SF3B1: variants seen among roughly 807,000 people sequenced by gnomAD.
SF3B1 encodes the protein splicing factor 3b subunit 1.
In SF3B1, 12 loss-of-function variants were observed where a neutral mutation model predicts 153.8. The ratio of observed to expected loss-of-function variants is 0.08; its 90% confidence interval spans 0.05 to 0.13. The LOEUF is 0.13. Ranked by LOEUF, SF3B1 falls within the 10% of genes least tolerant of loss-of-function variation. The pLI is 1.00. For synonymous variants in SF3B1, 498 were observed against 525.2 expected (o/e 0.95, Z 0.71); for missense variants, 513 against 1,606.1 (o/e 0.32, Z 11.63).
intron 7 of SF3B1, among the ~76,000 whole-genome samples, chr2:197,408,921 T>TCAA (rs369167542): frequency 2.6e-4 from 39 of 152,176 alleles, no homozygotes; most frequent in African/African-American, 8.9e-4. Context: ...AGACTCCATC[T>TCAA]CAACAACAAC....
In SF3B1 at chr2:197,402,522, A is replaced by G. The variant is rs773328337; in HGVS notation, c.2077+34T>C. The G allele has an allele frequency of 1.9e-6, 3 of 1,576,832 alleles. No individual in the cohort carries two copies. Among genetic ancestry groups the G allele is most frequent in the Admixed American group, 3.6e-5 (2 of 56,142 alleles). On this transcript the variant is annotated intron_variant, in intron 14 of 24. Coordinates refer to ENST00000335508, the MANE Select transcript of SF3B1 (RefSeq NM_012433.4). This position sits in a 1 kb window ranked among gnomAD's most constrained non-coding sequence, Gnocchi z 4.6. ...TAGTAAGACCCTGTCTCCTAAAGAA[A>G]AAAAAAAAAAGACAAAGTTACATTA...
chr2:197,408,437 G>A lies in SF3B1; in HGVS notation c.1049C>T (p.Thr350Ile). Residue 350 changes from threonine (T) to isoleucine (I), a missense_variant, in exon 8 of 25, where the codon ACT becomes ATT. Thr to Ile is a moderately conservative substitution (Grantham distance 89). Transcript: ENST00000335508. ...ETPASQMGGS[T>I]PVLTPGKTPI... ...TGTCTTTCCAGGGGTCAGAACTGGA[G>A]TGCTTCCACCCATCTGACTAGCTGG... 1 of 1,614,122 alleles carries A rather than the reference G, an allele frequency of 6.2e-7. No individual in the cohort carries two copies. The highest frequency in any genetic ancestry group is 8.5e-7 in the Non-Finnish European group (1 of 1,180,016).
chr2:197,397,952 A>T, intron 22 of SF3B1, 33 bp downstream of exon 22: 1 of 1,537,214 alleles, frequency 6.5e-7, no homozygotes, highest in Non-Finnish European at 8.9e-7. Flanking sequence ...ATTATAAAGT[A>T]ATTTTTTTTT....
In SF3B1 at chr2:197,407,388, TGA is replaced by T. The variant is rs540082064; in HGVS notation, c.1239+608_1239+609del. 9.1e-4 allele frequency among the ~76,000 whole-genome samples: 139 copies of T among 152,216 alleles called. 1 individual carries two copies. The highest frequency in any genetic ancestry group is 3.2e-3 in the African/African-American group (132 of 41,536). On this transcript the variant is annotated intron_variant, in intron 9 of 24. Coordinates refer to ENST00000335508, the MANE Select transcript of SF3B1 (RefSeq NM_012433.4). The stretch of plus-strand genomic sequence containing the variant: ...GGGAGGCTGAGAGGGACGGATCACT[TGA>T]GGTCAGGAGTTCAAGATCAGCCTGG...
In SF3B1 at chr2:197,407,767, C is replaced by T. The variant is rs571361043; in HGVS notation, c.1239+231G>A. 9.2e-4 allele frequency among the ~76,000 whole-genome samples: 140 copies of T among 152,096 alleles called. 1 individual carries two copies. The highest frequency in any genetic ancestry group is 3.2e-3 in the African/African-American group (133 of 41,480). The stretch of plus-strand genomic sequence containing the variant: ...GCACCAGCAGTTCTCAAAGTATAAC[C>T]GATAGACCCATACACAAGTCTTTGA... On this transcript the variant is annotated intron_variant, in intron 9 of 24. Coordinates refer to ENST00000335508, the MANE Select transcript of SF3B1 (RefSeq NM_012433.4).
At chr2:197,406,671 G>C (rs1246368559) in intron 9 of SF3B1, among the ~76,000 whole-genome samples, 1 of 152,210 alleles carries the variant, frequency 6.6e-6, no homozygotes, top group African/African-American at 2.4e-5. Flanking sequence ...TCAACAGTAA[G>C]TTCTGTCTAT....
At chr2:197,413,578 T>A (rs1265068032) in intron 6 of SF3B1, among the ~76,000 whole-genome samples, 2 of 152,192 alleles carry the variant, frequency 1.3e-5, no homozygotes, top group Non-Finnish European at 2.9e-5. Flanking sequence ...AAATACTGCA[T>A]GATCTGATAG....
intron 1 of SF3B1, among the ~76,000 whole-genome samples, chr2:197,424,316 A>C (rs1014208744): frequency 1.4e-4 from 22 of 152,186 alleles, no homozygotes; most frequent in African/African-American, 5.3e-4. Flanking sequence ...TGGCCAACAT[A>C]TAGCGAAACC....
chr2:197,406,532 A>C (rs2084995305), intron 9 of SF3B1, among the ~76,000 whole-genome samples: 1 of 152,216 alleles, frequency 6.6e-6, no homozygotes, highest in Non-Finnish European at 1.5e-5. Flanking sequence ...TTAAGGATTT[A>C]AAGGTCTACT....
intron 1 of SF3B1, among the ~76,000 whole-genome samples, chr2:197,424,178 G>A (rs551889595): frequency 1.3e-5 from 2 of 152,306 alleles, no homozygotes; most frequent in East Asian, 1.9e-4. Flanking sequence ...TGTGGCTCAC[G>A]CCTACAATCC....
chr2:197,423,068 G>A (rs1433529637), intron 2 of SF3B1, among the ~76,000 whole-genome samples: 1 of 151,972 alleles, frequency 6.6e-6, no homozygotes, highest in Non-Finnish European at 1.5e-5. Context: ...AAACAGACAT[G>A]AAAAGCTCAT....
intron 1 of SF3B1, among the ~76,000 whole-genome samples, chr2:197,433,724 C>T (rs981065206): frequency 7.2e-6 from 1 of 139,594 alleles, no homozygotes; most frequent in Admixed American, 7.2e-5. Context: ...TCCAACCTTT[C>T]CAGATTCATT....
At chr2:197,430,720 C>G (rs1559281269) in intron 1 of SF3B1, among the ~76,000 whole-genome samples, 1 of 152,208 alleles carries the variant, frequency 6.6e-6, no homozygotes, top group Non-Finnish European at 1.5e-5. Flanking sequence ...TCCCAAAGTG[C>G]TGGGATTACA....
chr2:197,411,131 A>T (rs2085061362), intron 6 of SF3B1, among the ~76,000 whole-genome samples: 1 of 152,152 alleles, frequency 6.6e-6, no homozygotes. Flanking sequence ...TGGAGAGATA[A>T]GAGTCTTACT....
At chr2:197,415,218 G>A (rs1348180923) in intron 6 of SF3B1, among the ~76,000 whole-genome samples, 1 of 150,074 alleles carries the variant, frequency 6.7e-6, no homozygotes, top group Admixed American at 6.7e-5. Flanking sequence ...AAGAGGGGAA[G>A]GGAAATGGTG....
rs569441195 is a variant in SF3B1 at position 197,391,525 on chromosome 2, A to G, written c.*778T>C. On this transcript the variant is annotated 3_prime_UTR_variant, in exon 25 of 25. Transcript: ENST00000335508. ...CCTGTTCTATCAGCATTACTTAGGT[A>G]TCCTCACTCCTAATAGGCAGAAAGC... 9.2e-4 allele frequency: 140 copies of G among 152,390 alleles called. 1 individual carries two copies. Among genetic ancestry groups the G allele is most frequent in the African/African-American group, 3.2e-3 (133 of 41,594 alleles). 9.4% of individuals were successfully genotyped at this position (152,390 alleles called of 1,614,324 possible).
chr2:197,392,426 T>C lies in SF3B1; in HGVS notation c.3792A>G (p.Val1264=). 1 of 1,611,568 alleles carries C rather than the reference T, an allele frequency of 6.2e-7. No homozygotes were observed. The highest frequency in any genetic ancestry group is 8.5e-7 in the Non-Finnish European group (1 of 1,178,232). The part of the protein sequence containing the change: ...LFHPARKVRD[V]YWKIYNSIYI... Reference sequence around the variant, plus strand: ...AGATGGAGTTGTAAATTTTCCAATATACATCTCTGACTTTCCGGGCTGGGT... The same window carrying C: ...AGATGGAGTTGTAAATTTTCCAATACACATCTCTGACTTTCCGGGCTGGGT... Residue 1264 remains valine, a synonymous_variant, in exon 25 of 25, where the codon GTA becomes GTG. Coordinates refer to ENST00000335508, the MANE Select transcript of SF3B1 (RefSeq NM_012433.4).
rs372646559 is a variant in SF3B1 at position 197,423,782 on chromosome 2, C to T, written c.195+26G>A. Reference sequence around the variant, plus strand: ...TCTTGCTCTCTCAAAAAAATAACTGCCTCTTGTACATAATTTGTAACTTAC... The same window carrying T: ...TCTTGCTCTCTCAAAAAAATAACTGTCTCTTGTACATAATTTGTAACTTAC... On this transcript the variant is annotated intron_variant, in intron 2 of 24. Coordinates refer to ENST00000335508, the MANE Select transcript of SF3B1 (RefSeq NM_012433.4). 6.4e-5 allele frequency: 102 copies of T among 1,605,128 alleles called. 3 individuals carry two copies. Among genetic ancestry groups the T allele is most frequent in the East Asian group, 3.6e-4 (16 of 44,796 alleles).
intron 1 of SF3B1, among the ~76,000 whole-genome samples, chr2:197,424,636 T>C (rs1335840513): frequency 1.3e-5 from 2 of 152,240 alleles, no homozygotes; most frequent in African/African-American, 2.4e-5. Context: ...CTGCATTTAG[T>C]TGTCACTCTT....
Sources: allele counts gnomAD v4.1 joint callset (sites outside exome capture counted in the v4.1 genomes callset), GRCh38; gene constraint gnomAD v4.1.1; non-coding constraint Gnocchi (gnomAD v3.1); transcripts MANE v1.5; gene names NCBI Gene and HGNC (gene_info 2026-07-23, HGNC 2026-07-21).